The following CEP250 variants were observed in gnomAD, a reference collection of about 807,000 sequenced individuals.
CEP250 encodes centrosome-associated protein CEP250.
CEP250 carries 242 observed loss-of-function variants against 315.7 expected under a neutral mutation model. That is an observed-to-expected ratio of 0.77 (90% CI 0.69 to 0.85). The LOEUF is 0.85. CEP250 is among the 40% of genes least tolerant of loss of function. CEP250 has a pLI of 0.00. For missense variants in CEP250, 2,515 were observed against 2,886.4 expected (o/e 0.87, Z 2.95); for synonymous variants, 1,088 against 1,175.0 (o/e 0.93, Z 1.51).
At chr20:35,476,929 G>A (rs1329636668) in intron 16 of CEP250, among the ~76,000 whole-genome samples, 3 of 152,100 alleles carry the variant, frequency 2.0e-5, no homozygotes, top group African/African-American at 7.2e-5. Flanking sequence ...GCTAACTGCA[G>A]TTTTCATCTC....
At chr20:35,492,639 C>T (rs112956318) in intron 22 of CEP250, among the ~76,000 whole-genome samples, 18 of 152,232 alleles carry the variant, frequency 1.2e-4, no homozygotes, top group African/African-American at 3.9e-4. Flanking sequence ...AACTCAGGGG[C>T]GAGTGGAGCG....
At chr20:35,473,628 C>G in intron 13 of CEP250, 76 bp downstream of exon 13, 1 of 1,429,686 alleles carries the variant, frequency 7.0e-7, no homozygotes, top group Non-Finnish European at 9.4e-7. Flanking sequence ...TTTACCCACT[C>G]CCATCAGGTT....
Position 35,480,117 on chromosome 20 carries a change from A to T in CEP250, c.2558A>T (p.Lys853Ile), listed in dbSNP as rs1012772215. Residue 853 changes from lysine to isoleucine, a missense_variant, in exon 20 of 35, where the codon AAA (lysine) becomes ATA (isoleucine). By Grantham distance (102) the Lys-to-Ile change is moderately radical. Transcript: ENST00000397527. ...GAGCAGCAGAAGGCAGCCCATGAGA[A>T]AGAGGTGAACCAGCTCCGGGAGAAA... Reference protein sequence around the residue: ...ALEQQKAAHEKEVNQLREKWE... With the variant: ...ALEQQKAAHEIEVNQLREKWE... 5 of 1,612,276 alleles carry T rather than the reference A, an allele frequency of 3.1e-6. No homozygotes were observed. The highest frequency in any genetic ancestry group is 1.3e-5 in the African/African-American group (1 of 74,866).
chr20:35,504,441 T>G lies in CEP250; in HGVS notation c.6072T>G (p.Gly2024=), dbSNP rs768825456. 2 of 1,611,058 alleles carry G rather than the reference T, an allele frequency of 1.2e-6. No individual in the cohort carries two copies. The part of the protein sequence containing the change: ...QLEEALRIQE[G]EIQDQDLRYQ... Reference sequence around the variant, plus strand: ...AGGAGGCTCTGAGGATACAAGAAGGTGAGATCCAGGACCAGGATCTCCGAT... The same window carrying G: ...AGGAGGCTCTGAGGATACAAGAAGGGGAGATCCAGGACCAGGATCTCCGAT... The change falls in exon 30 of 35, where the codon GGT becomes GGG. Residue 2024 remains glycine (G), a synonymous_variant. Coordinates refer to ENST00000397527, the MANE Select transcript of CEP250 (RefSeq NM_007186.6).
intron 9 of CEP250, among the ~76,000 whole-genome samples, chr20:35,469,521 T>C (rs569512543): frequency 6.6e-6 from 1 of 152,302 alleles, no homozygotes; most frequent in Non-Finnish European, 1.5e-5. Flanking sequence ...TGGAGGGACC[T>C]TGGGACTATC....
intron 20 of CEP250, among the ~76,000 whole-genome samples, chr20:35,486,964 T>C (rs2063529996): frequency 6.6e-6 from 1 of 152,236 alleles, no homozygotes; most frequent in Non-Finnish European, 1.5e-5. Flanking sequence ...TTGGTTTCCC[T>C]AAAAGGATTG....
In CEP250 at chr20:35,493,498, C is replaced by T. The variant is rs371312449; in HGVS notation, c.2959C>T (p.His987Tyr). The change falls in exon 23 of 35, where the codon CAC becomes TAC. Residue 987 changes from histidine (H) to tyrosine (Y), a missense_variant. Transcript: ENST00000397527. Reference protein sequence around the residue: ...QRELKEAARQHRDDLAALQEE... With the variant: ...QRELKEAARQYRDDLAALQEE... ...GGAGCTGAAGGAGGCAGCCCGGCAG[C>T]ACAGAGATGACCTTGCTGCCCTCCA... The T allele has an allele frequency of 1.1e-5, 17 of 1,609,966 alleles. No homozygotes were observed. Among genetic ancestry groups the T allele is most frequent in the African/African-American group, 2.7e-5 (2 of 74,692 alleles).
chr20:35,514,621 C>T lies in CEP250; in HGVS notation c.*2995C>T, dbSNP rs1174145670. ...CTTCCCACATGGGACTGCCAGCACCCTGAAGGCAGAAAAACTGAATGTACC... is the reference window on the plus strand; with the variant it reads ...CTTCCCACATGGGACTGCCAGCACCTTGAAGGCAGAAAAACTGAATGTACC... On this transcript the variant is annotated 3_prime_UTR_variant, in exon 35 of 35. Transcript: ENST00000397527. 6.6e-6 allele frequency: 1 copy of T among 152,408 alleles called. No homozygotes were observed. The highest frequency in any genetic ancestry group is 6.5e-5 in the Admixed American group (1 of 15,288). 9.4% of individuals were successfully genotyped at this position (152,408 alleles called of 1,614,324 possible). A position where few individuals can be genotyped will look rare whatever the true frequency, so the allele number is the denominator to read the frequency against.
At chr20:35,494,966 C>G (rs2063796789) in intron 24 of CEP250, among the ~76,000 whole-genome samples, 2 of 7,076 alleles carry the variant, frequency 2.8e-4, no homozygotes, top group Non-Finnish European at 4.2e-3. Flanking sequence ...AATAATAACT[C>G]AAATTATTAC....
intron 20 of CEP250, among the ~76,000 whole-genome samples, chr20:35,484,697 T>A (rs930209724): frequency 1.3e-5 from 2 of 151,966 alleles, no homozygotes; most frequent in African/African-American, 2.4e-5. Flanking sequence ...GATCCTCCTG[T>A]CTCAGCCTCC....
At chr20:35,478,608 C>T (rs1182383941) in intron 17 of CEP250, among the ~76,000 whole-genome samples, 4 of 152,204 alleles carry the variant, frequency 2.6e-5, no homozygotes, top group African/African-American at 9.6e-5. Context: ...ACTTCATTCA[C>T]ACCACCCAGT....
At chr20:35,483,663 AC>A (rs2063422725) in intron 20 of CEP250, among the ~76,000 whole-genome samples, 1 of 151,762 alleles carries the variant, frequency 6.6e-6, no homozygotes, top group East Asian at 1.9e-4. Context: ...ACGCCACCAT[AC>A]CTGGCTCTTT....
In CEP250 at chr20:35,504,479, T is replaced by A; in HGVS notation, c.6110T>A (p.Val2037Glu). The A allele has an allele frequency of 6.2e-7, 1 of 1,613,502 alleles. No homozygotes were observed. Among genetic ancestry groups the A allele is most frequent in the Non-Finnish European group, 8.5e-7 (1 of 1,179,722 alleles). Reference protein sequence around the residue: ...QDQDLRYQEDVQQLQQALAQR... With the variant: ...QDQDLRYQEDEQQLQQALAQR... ...CAGGATCTCCGATACCAGGAGGATG[T>A]GCAGCAGCTGCAGCAGGCACTTGCC... Residue 2037 changes from valine (V) to glutamate (E), a missense_variant, in exon 30 of 35, where the codon GTG (valine) becomes GAG (glutamate). Physicochemically the swap from Val to Glu is moderately radical, Grantham distance 121 (BLOSUM62 -2). Coordinates refer to ENST00000397527, the MANE Select transcript of CEP250 (RefSeq NM_007186.6).
chr20:35,484,240 G>A (rs1601210393), intron 20 of CEP250, among the ~76,000 whole-genome samples: 1 of 151,092 alleles, frequency 6.6e-6, no homozygotes, highest in African/African-American at 2.4e-5. Flanking sequence ...GGTTTTCTGT[G>A]GGAATCTTTT....
Position 35,512,333 on chromosome 20 carries a change from T to G in CEP250, c.*707T>G, listed in dbSNP as rs2064380777. On this transcript the variant is annotated 3_prime_UTR_variant, in exon 35 of 35. Transcript: ENST00000397527. Reference sequence around the variant, plus strand: ...CACACAGTGAGAAGACTGGTCTGACTGTGGCAGGGGGTTGGGGCTGAGCTT... The same window carrying G: ...CACACAGTGAGAAGACTGGTCTGACGGTGGCAGGGGGTTGGGGCTGAGCTT... The G allele has an allele frequency of 6.6e-6, 1 of 152,420 alleles. No individual in the cohort carries two copies. Among genetic ancestry groups the G allele is most frequent in the African/African-American group, 2.4e-5 (1 of 41,422 alleles). The allele number at this position is 152,420 out of a possible 1,614,324, so 9.4% of individuals were successfully genotyped here.
chr20:35,492,553 G>A (rs530844845), intron 22 of CEP250, among the ~76,000 whole-genome samples: 20 of 152,264 alleles, frequency 1.3e-4, no homozygotes, highest in African/African-American at 4.8e-4. Context: ...AACACCTGTC[G>A]CAAGGGCCCT....
intron 20 of CEP250, 95 bp from the exon 21 acceptor site, chr20:35,490,542 A>G: frequency 8.7e-7 from 1 of 1,144,766 alleles, no homozygotes; most frequent in Non-Finnish European, 1.2e-6. Context: ...TCACCCCACT[A>G]GTGAGTAGTA....
chr20:35,502,986 G>A lies in CEP250; in HGVS notation c.4617G>A (p.Glu1539=). ...LELEKKDQMI[E]SQRGQVQDLK... is the part of the protein sequence containing the mutation. Reference sequence around the variant, plus strand: ...TTGAGAAGAAAGACCAAATGATTGAGTCCCAGAGAGGACAGGTTCAGGACC... The same window carrying A: ...TTGAGAAGAAAGACCAAATGATTGAATCCCAGAGAGGACAGGTTCAGGACC... Residue 1539 remains glutamate, a synonymous_variant, in exon 30 of 35, where the codon GAG becomes GAA. Coordinates refer to ENST00000397527, the MANE Select transcript of CEP250 (RefSeq NM_007186.6). 1 of 1,614,180 alleles carries A rather than the reference G, an allele frequency of 6.2e-7. No individual in the cohort carries two copies. Among genetic ancestry groups the A allele is most frequent in the Admixed American group, 1.7e-5 (1 of 60,010 alleles).
In CEP250 at chr20:35,511,475, A is replaced by G. The variant is rs1281124167; in HGVS notation, c.7178A>G (p.His2393Arg). 1 of 1,613,942 alleles carries G rather than the reference A, an allele frequency of 6.2e-7. No individual in the cohort carries two copies. Among genetic ancestry groups the G allele is most frequent in the East Asian group, 2.2e-5 (1 of 44,860 alleles). The change falls in exon 35 of 35, where the codon CAC (histidine) becomes CGC (arginine). Residue 2393 changes from histidine to arginine, a missense_variant. His to Arg is a conservative substitution (Grantham distance 29). Coordinates refer to ENST00000397527, the MANE Select transcript of CEP250 (RefSeq NM_007186.6). ...GCAGGCCTGCACCACAGCCTCTCAC[A>G]CTCACTTCTTGCCGTGGCCCAGGCC... is the stretch of plus-strand genomic sequence containing the variant. ...ELAGLHHSLS[H>R]SLLAVAQAPE...
Sources: allele counts gnomAD v4.1 joint callset (sites outside exome capture counted in the v4.1 genomes callset), GRCh38; gene constraint gnomAD v4.1.1; transcripts MANE v1.5; gene names NCBI Gene and HGNC (gene_info 2026-07-23, HGNC 2026-07-21).